Variants in HACD2 observed in about 807,000 individuals in gnomAD.
HACD2 encodes 3-hydroxyacyl-CoA dehydratase 2.
In HACD2, 15 loss-of-function variants were observed where a neutral mutation model predicts 31.0. That is an observed-to-expected ratio of 0.48 (90% CI 0.32 to 0.75). The LOEUF (loss-of-function observed/expected upper bound fraction) is 0.75. HACD2 is among the 30% of genes least tolerant of loss of function. The pLI is 0.03. For missense variants in HACD2, 283 were observed against 313.0 expected, an observed-to-expected ratio of 0.90 and a Z score of 0.72; for synonymous variants, 115 against 122.2, an observed-to-expected ratio of 0.94 and a Z score of 0.39.
At chr3:123,571,526 G>A (rs2128902) in intron 2 of HACD2, among the ~76,000 whole-genome samples, 20,664 of 152,158 alleles carry the variant, frequency 0.14, 3,277 homozygotes, top group African/African-American at 0.34. Flanking sequence ...TCACGTGCAA[G>A]GCCTGGAGAG....
At chr3:123,529,552 T>C (rs891672482) in intron 3 of HACD2, among the ~76,000 whole-genome samples, 18 of 152,100 alleles carry the variant, frequency 1.2e-4, no homozygotes, top group African/African-American at 3.9e-4. Context: ...TAGCGAGACC[T>C]TGTCTCTACT....
intron 3 of HACD2, among the ~76,000 whole-genome samples, chr3:123,563,876 T>C (rs1428477320): frequency 2.0e-5 from 3 of 152,190 alleles, no homozygotes; most frequent in African/African-American, 7.2e-5. Flanking sequence ...ACAGTAAGTA[T>C]TTAAGAAATG....
chr3:123,552,759 G>C (rs920642660), intron 3 of HACD2, among the ~76,000 whole-genome samples: 5 of 151,338 alleles, frequency 3.3e-5, no homozygotes, highest in African/African-American at 1.2e-4. Flanking sequence ...GGGCAGAACT[G>C]AACAAAAAAT....
intron 2 of HACD2, among the ~76,000 whole-genome samples, chr3:123,574,832 A>T (rs2107756233): frequency 6.6e-6 from 1 of 152,218 alleles, no homozygotes. Flanking sequence ...AGTATCTGCA[A>T]TTGTGCTTTT....
At chr3:123,501,787 A>G (rs2055905447) in intron 5 of HACD2, among the ~76,000 whole-genome samples, 1 of 152,222 alleles carries the variant, frequency 6.6e-6, no homozygotes, top group South Asian at 2.1e-4. Context: ...TGAGAAAAAT[A>G]ATAAAATAAC....
chr3:123,505,321 C>G (rs2055961144), intron 4 of HACD2, among the ~76,000 whole-genome samples: 1 of 152,070 alleles, frequency 6.6e-6, no homozygotes, highest in South Asian at 2.1e-4. Flanking sequence ...TAAAAAAGTT[C>G]TGGAGATGGA....
At position 123,494,850 on chromosome 3, in the gene HACD2, GAA is replaced by G; in HGVS notation, c.*36_*37del. 2 of 1,347,288 alleles carry G rather than the reference GAA, an allele frequency of 1.5e-6. No homozygotes were observed. The highest frequency in any genetic ancestry group is 2.1e-6 in the Non-Finnish European group (2 of 966,048). The allele number at this position is 1,347,288 out of a possible 1,614,324, so 83.5% of individuals were successfully genotyped here. A position where few individuals can be genotyped will look rare whatever the true frequency, so the allele number is the denominator to read the frequency against. ...AAATCTGCAGCATTTTTTGATCATT[GAA>G]AAGTTTGTTTTGGTGGGAGGTGCAG... On this transcript the variant is annotated 3_prime_UTR_variant, in exon 7 of 7. Coordinates refer to ENST00000383657, the MANE Select transcript of HACD2 (RefSeq NM_198402.5).
At chr3:123,512,786 C>T (rs1196953380) in intron 4 of HACD2, among the ~76,000 whole-genome samples, 6 of 152,190 alleles carry the variant, frequency 3.9e-5, no homozygotes, top group Non-Finnish European at 7.3e-5. Flanking sequence ...TTTATATACA[C>T]ACACAGCTAT....
At chr3:123,572,763 A>C (rs949060581) in intron 2 of HACD2, among the ~76,000 whole-genome samples, 14 of 152,220 alleles carry the variant, frequency 9.2e-5, no homozygotes, top group Non-Finnish European at 1.6e-4. Flanking sequence ...AAAGCCCCAA[A>C]AAGTTTAAGA....
At chr3:123,538,730 T>A (rs1289618345) in intron 3 of HACD2, among the ~76,000 whole-genome samples, 1 of 152,212 alleles carries the variant, frequency 6.6e-6, no homozygotes, top group Admixed American at 6.5e-5. Flanking sequence ...CCCAGCATTT[T>A]ACGATGTGAG....
chr3:123,521,911 GA>G (rs2056219790), intron 4 of HACD2, among the ~76,000 whole-genome samples: 1 of 152,040 alleles, frequency 6.6e-6, no homozygotes, highest in Non-Finnish European at 1.5e-5. Context: ...ATCATCAGGG[GA>G]TATTACATTT....
chr3:123,549,456 C>T (rs1420683762), intron 3 of HACD2, among the ~76,000 whole-genome samples: 1 of 152,070 alleles, frequency 6.6e-6, no homozygotes, highest in Non-Finnish European at 1.5e-5. Context: ...ATCAAAAGCA[C>T]CAAGATCAGG....
intron 5 of HACD2, among the ~76,000 whole-genome samples, chr3:123,501,628 G>C (rs536510029): frequency 6.6e-6 from 1 of 152,198 alleles, no homozygotes; most frequent in Non-Finnish European, 1.5e-5. Context: ...GTGGATGAAA[G>C]AATCTTTCTC....
chr3:123,511,736 A>C (rs778318149), intron 4 of HACD2, among the ~76,000 whole-genome samples: 1 of 152,206 alleles, frequency 6.6e-6, no homozygotes, highest in Non-Finnish European at 1.5e-5. Context: ...GAATTACCTA[A>C]AGTTAATGTA....
chr3:123,546,155 T>C (rs1234837540), intron 3 of HACD2, among the ~76,000 whole-genome samples: 1 of 152,196 alleles, frequency 6.6e-6, no homozygotes, highest in Non-Finnish European at 1.5e-5. Flanking sequence ...CCACGTATAT[T>C]ACCTAGGGGT....
At chr3:123,520,756 C>T (rs2107699153) in intron 4 of HACD2, among the ~76,000 whole-genome samples, 1 of 152,104 alleles carries the variant, frequency 6.6e-6, no homozygotes, top group Admixed American at 6.5e-5. Flanking sequence ...GATTCACTTA[C>T]TGGTGACTCC....
chr3:123,531,050 T>C lies in HACD2; in HGVS notation c.293-2576A>G, dbSNP rs1458065393. 3.3e-5 allele frequency among the ~76,000 whole-genome samples: 5 copies of C among 151,830 alleles called. No individual in the cohort carries two copies. The East Asian group carries it at 9.8e-4, about 30-fold the overall frequency. ...GCCCAGTTCATTTTTGTGGTTTTAG[T>C]AGAGACGGGGTTTCACCATGTTGGT... On this transcript the variant is annotated intron_variant, in intron 3 of 6. Transcript: ENST00000383657.
chr3:123,507,610 G>A (rs2055993542), intron 4 of HACD2, among the ~76,000 whole-genome samples: 1 of 152,046 alleles, frequency 6.6e-6, no homozygotes, highest in Non-Finnish European at 1.5e-5. Context: ...CTGGGAGTGG[G>A]AACTAATTAT....
At chr3:123,534,438 G>T (rs1252542638) in intron 3 of HACD2, among the ~76,000 whole-genome samples, 1 of 151,654 alleles carries the variant, frequency 6.6e-6, no homozygotes, top group African/African-American at 2.4e-5. Flanking sequence ...AATCTAGTGT[G>T]CTGCTAGTCA....
Sources: allele counts gnomAD v4.1 joint callset (sites outside exome capture counted in the v4.1 genomes callset), GRCh38; gene constraint gnomAD v4.1.1; transcripts MANE v1.5; gene names NCBI Gene and HGNC (gene_info 2026-07-23, HGNC 2026-07-21).